The following RDH13 variants were observed in gnomAD, a reference collection of about 807,000 sequenced individuals.
The protein encoded by RDH13 is retinol dehydrogenase 13 (all-trans and 9-cis).
Under a neutral mutation model 28.3 loss-of-function variants are expected in RDH13, and 35 were observed. The observed-to-expected ratio is 1.24, with a 90% CI of 0.95 to 1.64. RDH13 has a LOEUF of 1.64. Ranked by LOEUF, RDH13 falls within the 40% of genes most tolerant of loss-of-function variation. RDH13 has a pLI of 0.00. For synonymous variants in RDH13, 229 were observed against 198.5 expected, an observed-to-expected ratio of 1.15 and a Z score of -1.29; for missense variants, 514 against 446.3, an observed-to-expected ratio of 1.15 and a Z score of -1.37.
upstream of RDH13, chr19:55,063,167 GT>G (rs764758891): frequency 2.5e-4 from 197 of 789,708 alleles, 1 homozygote; most frequent in Middle Eastern, 3.7e-3. Context: ...CTGGGCCCGC[GT>G]CCGGAACTGG....
rs143522684 is a variant in RDH13, at chr19:55,049,773, A to G, written c.341-1010T>C. Among the ~76,000 whole-genome samples, 1,074 of 144,440 alleles carry G rather than the reference A, an allele frequency of 7.4e-3. 14 individuals carry two copies. Among genetic ancestry groups the G allele is most frequent in the African/African-American group, 0.025 (980 of 39,510 alleles). 94.8% of individuals were successfully genotyped at this position (144,440 alleles called of 152,430 possible). A position where few individuals can be genotyped will look rare whatever the true frequency, so the allele number is the denominator to read the frequency against. ...CATTACACTCCATCCTGGGCAATAAAAGCAAAACTCCATCTCAAAAAAAAA... is the reference window on the plus strand; with the variant it reads ...CATTACACTCCATCCTGGGCAATAAGAGCAAAACTCCATCTCAAAAAAAAA... On this transcript the variant is annotated intron_variant, in intron 3 of 6. Transcript: ENST00000415061.
chr19:55,047,242 C>G lies in RDH13; in HGVS notation c.760+145G>C, dbSNP rs2075265936. 7 of 1,441,772 alleles carry G rather than the reference C, an allele frequency of 4.9e-6. No individual in the cohort carries two copies. The Admixed American group carries it at 1.8e-4, about 37-fold the overall frequency. The allele number at this position is 1,441,772 out of a possible 1,614,324, so 89.3% of individuals were successfully genotyped here. A position where few individuals can be genotyped will look rare whatever the true frequency, so the allele number is the denominator to read the frequency against. The stretch of plus-strand genomic sequence containing the variant: ...AGGCCAGGTCAACGGAGGAAAGGGA[C>G]CTGTGCTCTGTGCCTCAGAAGACGT... On this transcript the variant is annotated intron_variant, in intron 6 of 6. Coordinates refer to ENST00000415061, the MANE Select transcript of RDH13 (RefSeq NM_001145971.2).
intron 3 of RDH13, 72 bp from the exon 4 acceptor site, chr19:55,048,835 C>G (rs1376747930): frequency 1.6e-6 from 2 of 1,280,014 alleles, no homozygotes; most frequent in African/African-American, 1.5e-5. Context: ...AGCAGAAACA[C>G]TCCTGTGCTC....
chr19:55,065,456 GA>G (rs113308889), upstream of RDH13, among the ~76,000 whole-genome samples: 18 of 148,712 alleles, frequency 1.2e-4, no homozygotes, highest in Non-Finnish European at 1.5e-4. Flanking sequence ...TCTCAACCTT[GA>G]AAAAAAAACA....
upstream of RDH13, among the ~76,000 whole-genome samples, chr19:55,068,064 ATC>A (rs761037066): frequency 1.2e-5 from 1 of 84,422 alleles, no homozygotes; most frequent in African/African-American, 4.8e-5. Context: ...TTTCTCCCCC[ATC>A]TCTCTTTCTC....
chr19:55,069,371 C>G (rs964772818), exon 1 of RDH13: 6 of 152,192 alleles, frequency 3.9e-5, no homozygotes, highest in Non-Finnish European at 8.8e-5. Flanking sequence ...TCCTCACCGC[C>G]GATGAGACCT....
At chr19:55,063,375 G>T (rs2147081597), upstream of RDH13, 3 of 309,078 alleles carry the variant, frequency 9.7e-6, no homozygotes, top group South Asian at 1.5e-4. Flanking sequence ...CGCAGTTCTG[G>T]AGTGAAATAG....
At chr19:55,061,552 AG>A (rs1267574382) in intron 1 of RDH13, among the ~76,000 whole-genome samples, 2 of 151,128 alleles carry the variant, frequency 1.3e-5, no homozygotes, top group East Asian at 4.0e-4. Flanking sequence ...GCACTTTGGG[AG>A]GCCAAGACAG....
At chr19:55,064,895 G>A (rs557085972), upstream of RDH13, among the ~76,000 whole-genome samples, 1 of 146,320 alleles carries the variant, frequency 6.8e-6, no homozygotes, top group African/African-American at 2.5e-5. Context: ...TTACAGGCAT[G>A]AGCCACCGCA....
intron 3 of RDH13, among the ~76,000 whole-genome samples, chr19:55,053,448 G>T (rs1602749333): frequency 6.6e-6 from 1 of 152,010 alleles, no homozygotes; most frequent in Non-Finnish European, 1.5e-5. Context: ...GAGGTCAGGA[G>T]ATCGAGACCA....
chr19:55,056,530 G>A, intron 3 of RDH13, 123 bp downstream of exon 3: 1 of 1,236,162 alleles, frequency 8.1e-7, no homozygotes, highest in Non-Finnish European at 1.1e-6. Context: ...ACTGGACTTG[G>A]CCCCTAACTC....
rs753491118 is a variant in RDH13 at position 55,063,067 on chromosome 19, CGG to C, written c.-37_-36del. 4 of 1,327,476 alleles carry C rather than the reference CGG, an allele frequency of 3.0e-6. No homozygotes were observed. Among genetic ancestry groups the C allele is most frequent in the South Asian group, 1.9e-5 (1 of 52,802 alleles). 82.2% of individuals were successfully genotyped at this position (1,327,476 alleles called of 1,614,324 possible). ...GGGACAGGCGTCAGGCGTCAGGGGT[CGG>C]CGCGGAGCTTGCTGCACACCAGCCG... On this transcript the variant is annotated 5_prime_UTR_variant, in exon 1 of 7. Coordinates refer to ENST00000415061, the MANE Select transcript of RDH13 (RefSeq NM_001145971.2).
intron 3 of RDH13, among the ~76,000 whole-genome samples, chr19:55,051,598 T>C (rs2079588802): frequency 6.6e-6 from 1 of 151,742 alleles, no homozygotes. Context: ...CCCTGCTAAT[T>C]TTTGCATTTT....
upstream of RDH13, chr19:55,067,800 A>G (rs1257707701): frequency 6.6e-6 from 1 of 152,264 alleles, no homozygotes; most frequent in Admixed American, 6.5e-5. Flanking sequence ...ACTGTTCCCC[A>G]GTATCCATTC....
intron 3 of RDH13, among the ~76,000 whole-genome samples, chr19:55,052,189 C>T (rs1199354001): frequency 2.0e-5 from 3 of 150,086 alleles, no homozygotes; most frequent in Non-Finnish European, 3.0e-5. Flanking sequence ...GAGGCCGAGG[C>T]GGGCAGATCA....
At chr19:55,048,163 G>A in intron 5 of RDH13, 166 bp downstream of exon 5, 1 of 1,534,984 alleles carries the variant, frequency 6.5e-7, no homozygotes, top group East Asian at 2.4e-5. Flanking sequence ...ATCGATTAGT[G>A]ATGTCTGCTT....
rs775267165 is a variant in RDH13 at position 55,047,429 on chromosome 19, G to C, written c.718C>G (p.His240Asp). Residue 240 changes from histidine (H) to aspartate (D), a missense_variant, in exon 6 of 7, where the codon CAC becomes GAC. Coordinates refer to ENST00000415061, the MANE Select transcript of RDH13 (RefSeq NM_001145971.2). ...PGVARTELGR[H>D]TGIHGSTFSS... ...AAGGTGGAGCCATGGATGCCCGTGT[G>C]TCTGCCCAGCTCTGTCCTGGCCACG... 1 of 1,611,668 alleles carries C rather than the reference G, an allele frequency of 6.2e-7. No individual in the cohort carries two copies. Among genetic ancestry groups the C allele is most frequent in the African/African-American group, 1.3e-5 (1 of 75,058 alleles).
At chr19:55,041,432 CGGA>C (rs1237209126), downstream of RDH13, 1 of 152,322 alleles carries the variant, frequency 6.6e-6, no homozygotes, top group Non-Finnish European at 1.5e-5. Context: ...CCCGCCCAGG[CGGA>C]GAATGATCCG....
chr19:55,046,519 T>A (rs1028497072), intron 6 of RDH13: 1 of 150,106 alleles, frequency 6.7e-6, no homozygotes, highest in East Asian at 2.1e-4. Context: ...CACCACAGCC[T>A]CCCAAAGTGC....
Sources: gnomAD v4.1 joint callset for allele counts (sites outside exome capture counted in the v4.1 genomes callset) on GRCh38, gnomAD v4.1.1 for gene constraint, MANE v1.5 for transcripts, NCBI Gene and HGNC (gene_info 2026-07-23, HGNC 2026-07-21) for gene names.